Variants in NOS1AP observed in about 807,000 individuals in gnomAD.
NOS1AP encodes the protein carboxyl-terminal PDZ ligand of neuronal nitric oxide synthase protein.
A neutral mutation model predicts 56.2 loss-of-function variants in NOS1AP; 21 were observed. That is an observed-to-expected ratio of 0.37 (90% CI 0.26 to 0.54). The LOEUF (loss-of-function observed/expected upper bound fraction) is 0.54. Among genes scored for constraint, NOS1AP ranks in the 20% least tolerant of loss-of-function variants. The pLI is 0.84. For missense variants in NOS1AP, 522 were observed against 657.8 expected (o/e 0.79, Z 2.26); for synonymous variants, 270 against 274.6 (o/e 0.98, Z 0.17).
intron 3 of NOS1AP, among the ~76,000 whole-genome samples, chr1:162,297,950 A>G (rs981382443): frequency 1.3e-5 from 2 of 152,208 alleles, no homozygotes; most frequent in Non-Finnish European, 2.9e-5. Context: ...CCAGATGCAG[A>G]GCTGAAGAAG....
intron 2 of NOS1AP, among the ~76,000 whole-genome samples, chr1:162,205,681 T>G (rs958976664): frequency 8.5e-5 from 13 of 152,322 alleles, no homozygotes; most frequent in African/African-American, 3.1e-4. Flanking sequence ...TTTGGAGGTA[T>G]GTTAAAAGGG....
chr1:162,220,838 T>C (rs533734893), intron 2 of NOS1AP, among the ~76,000 whole-genome samples: 3 of 152,374 alleles, frequency 2.0e-5, no homozygotes, highest in South Asian at 4.1e-4. Flanking sequence ...GAAGTTCATA[T>C]GATCTACCAT....
chr1:162,323,685 C>T (rs1403316641), intron 4 of NOS1AP, among the ~76,000 whole-genome samples: 1 of 152,212 alleles, frequency 6.6e-6, no homozygotes, highest in African/African-American at 2.4e-5. Context: ...GCGGCAGACC[C>T]TATATGTAAG....
chr1:162,095,673 G>C (rs556462535), intron 1 of NOS1AP, among the ~76,000 whole-genome samples: 1 of 152,116 alleles, frequency 6.6e-6, no homozygotes, highest in Non-Finnish European at 1.5e-5. Context: ...TCCCTCATCC[G>C]GTGAGTGGGG....
At chr1:162,070,810 A>G (rs1691644413) in intron 1 of NOS1AP, among the ~76,000 whole-genome samples, 1 of 152,016 alleles carries the variant, frequency 6.6e-6, no homozygotes, top group Non-Finnish European at 1.5e-5. Flanking sequence ...TAAATGGCTA[A>G]TTTGCCAGAC....
At chr1:162,271,091 T>C (rs1654568679) in intron 2 of NOS1AP, among the ~76,000 whole-genome samples, 1 of 152,212 alleles carries the variant, frequency 6.6e-6, no homozygotes, top group Admixed American at 6.5e-5. Context: ...AGAAAGTTTG[T>C]GATCAGTACC....
chr1:162,161,688 G>A (rs1413803046), intron 2 of NOS1AP, among the ~76,000 whole-genome samples: 3 of 152,082 alleles, frequency 2.0e-5, no homozygotes, highest in Non-Finnish European at 4.4e-5. Context: ...AACCTCCCAG[G>A]TTCAGGTGGC....
intron 1 of NOS1AP, among the ~76,000 whole-genome samples, chr1:162,105,802 C>T (rs1647480724): frequency 6.6e-6 from 1 of 152,212 alleles, no homozygotes; most frequent in Non-Finnish European, 1.5e-5. Context: ...GGTGGCTGGT[C>T]CTCCCCTCTG....
chr1:162,163,349 A>AG (rs1557812515), intron 2 of NOS1AP, among the ~76,000 whole-genome samples: 1 of 152,186 alleles, frequency 6.6e-6, no homozygotes, highest in African/African-American at 2.4e-5. Context: ...ATGCTTTCTT[A>AG]GGGGGCGAGG....
intron 4 of NOS1AP, among the ~76,000 whole-genome samples, chr1:162,310,216 T>A (rs746345296): frequency 2.7e-4 from 41 of 152,148 alleles, no homozygotes; most frequent in Non-Finnish European, 4.7e-4. Context: ...ATAAAAAAAA[T>A]CAGGGAATGA....
At chr1:162,185,206 T>G (rs977914153) in intron 2 of NOS1AP, among the ~76,000 whole-genome samples, 1 of 152,336 alleles carries the variant, frequency 6.6e-6, no homozygotes, top group South Asian at 2.1e-4. Context: ...CAGTGGCTGA[T>G]CCAGGATAAT....
chr1:162,295,968 A>C (rs1298192142), intron 3 of NOS1AP, among the ~76,000 whole-genome samples: 1 of 152,164 alleles, frequency 6.6e-6, no homozygotes, highest in East Asian at 1.9e-4. Flanking sequence ...ACTATCATTC[A>C]GGCTGTGAGG....
intron 2 of NOS1AP, among the ~76,000 whole-genome samples, chr1:162,199,348 T>G (rs1253089371): frequency 1.3e-5 from 2 of 152,216 alleles, no homozygotes; most frequent in African/African-American, 4.8e-5. Flanking sequence ...TCACTGTTGT[T>G]TTATTTATTC....
chr1:162,263,570 A>T (rs1420093831), intron 2 of NOS1AP, among the ~76,000 whole-genome samples: 1 of 152,184 alleles, frequency 6.6e-6, no homozygotes, highest in African/African-American at 2.4e-5. Context: ...CTATGGTTTC[A>T]CAGAGAGGTG....
At chr1:162,107,815 G>A (rs1236463425) in intron 1 of NOS1AP, among the ~76,000 whole-genome samples, 7 of 152,114 alleles carry the variant, frequency 4.6e-5, no homozygotes, top group Non-Finnish European at 1.0e-4. Flanking sequence ...TATCATAAAG[G>A]TACCCAAAGT....
chr1:162,343,888 C>T lies in NOS1AP; in HGVS notation c.507C>T (p.His169=). ...TGGGGCAGGCCTTTGAGGTCTGCCA[C>T]AAGCTGAGCCTGCAGCACACGCAGC... ...RTVGQAFEVC[H]KLSLQHTQQN... Residue 169 remains histidine, a synonymous_variant, in exon 6 of 10, where the codon CAC becomes CAT. Coordinates refer to ENST00000361897, the MANE Select transcript of NOS1AP (RefSeq NM_014697.3). 1.9e-6 allele frequency: 3 copies of T among 1,614,114 alleles called. No individual in the cohort carries two copies. The highest frequency in any genetic ancestry group is 2.5e-6 in the Non-Finnish European group (3 of 1,180,022).
chr1:162,157,075 G>A (rs1650004983), intron 2 of NOS1AP: 1 of 154,652 alleles, frequency 6.5e-6, no homozygotes, highest in Non-Finnish European at 1.5e-5. Flanking sequence ...ACATCACCTG[G>A]AAGCAAGGGA....
At chr1:162,182,456 T>C (rs1571106893) in intron 2 of NOS1AP, among the ~76,000 whole-genome samples, 1 of 152,184 alleles carries the variant, frequency 6.6e-6, no homozygotes, top group Non-Finnish European at 1.5e-5. Context: ...ATGCTGAAGG[T>C]AGAGGTGGCT....
intron 2 of NOS1AP, among the ~76,000 whole-genome samples, chr1:162,161,883 G>T (rs1650240226): frequency 6.6e-6 from 1 of 152,194 alleles, no homozygotes; most frequent in Admixed American, 6.5e-5. Flanking sequence ...ATAAGCACCT[G>T]CTAAATGTTA....
Sources: gnomAD v4.1 joint callset for allele counts (sites outside exome capture counted in the v4.1 genomes callset) on GRCh38, gnomAD v4.1.1 for gene constraint, MANE v1.5 for transcripts, NCBI Gene and HGNC (gene_info 2026-07-23, HGNC 2026-07-21) for gene names.